The following MARCHF1 variants were observed in gnomAD, a reference collection of about 807,000 sequenced individuals.
MARCHF1 encodes membrane associated ring-CH-type finger 1.
A neutral mutation model predicts 54.2 loss-of-function variants in MARCHF1; 40 were observed. The ratio of observed to expected loss-of-function variants is 0.74; its 90% CI spans 0.57 to 0.96. The LOEUF is 0.96. MARCHF1 is among the 40% of genes least tolerant of loss of function. The pLI, the probability that MARCHF1 is intolerant of heterozygous loss-of-function variation, is 0.00. For missense variants in MARCHF1, 586 were observed against 656.5 expected, an observed-to-expected ratio of 0.89 and a Z score of 1.17; for synonymous variants, 236 against 236.3, an observed-to-expected ratio of 1.00 and a Z score of 0.01.
intron 3 of MARCHF1, among the ~76,000 whole-genome samples, chr4:163,934,318 C>T (rs1751746106): frequency 6.6e-6 from 1 of 151,994 alleles, no homozygotes; most frequent in Non-Finnish European, 1.5e-5. Context: ...GAAAGCAACT[C>T]CTGGCTGAGG....
intron 4 of MARCHF1, among the ~76,000 whole-genome samples, chr4:163,785,822 A>T (rs1430554678): frequency 6.6e-6 from 1 of 152,036 alleles, no homozygotes; most frequent in East Asian, 1.9e-4. Context: ...TGTTACCATA[A>T]ATGGCAAAAG....
chr4:164,235,446 T>G (rs1355783252), intron 1 of MARCHF1, among the ~76,000 whole-genome samples: 2 of 152,158 alleles, frequency 1.3e-5, no homozygotes, highest in African/African-American at 4.8e-5. Flanking sequence ...TGCTGAGGAT[T>G]CAGAACCTTC....
chr4:163,987,730 T>C (rs998761664), intron 3 of MARCHF1, among the ~76,000 whole-genome samples: 1 of 152,226 alleles, frequency 6.6e-6, no homozygotes, highest in African/African-American at 2.4e-5. Flanking sequence ...CGACAACATT[T>C]ATGATATTTC....
intron 3 of MARCHF1, among the ~76,000 whole-genome samples, chr4:163,942,066 C>G (rs1466622230): frequency 6.6e-6 from 1 of 152,090 alleles, no homozygotes; most frequent in Non-Finnish European, 1.5e-5. Flanking sequence ...AAAACTGTTG[C>G]ATTTGGTTTC....
chr4:164,333,284 AT>A (rs1342166690), intron 1 of MARCHF1, among the ~76,000 whole-genome samples: 2 of 152,180 alleles, frequency 1.3e-5, no homozygotes, highest in African/African-American at 4.8e-5. Context: ...GATGTAACTC[AT>A]TTTATTATAC....
At chr4:164,165,462 A>G (rs1309262371) in intron 1 of MARCHF1, among the ~76,000 whole-genome samples, 4 of 151,822 alleles carry the variant, frequency 2.6e-5, no homozygotes, top group African/African-American at 9.7e-5. Flanking sequence ...GAGAGCCCTC[A>G]ACACAACCAA....
chr4:164,125,549 T>C (rs183779398), intron 1 of MARCHF1, among the ~76,000 whole-genome samples: 1 of 152,260 alleles, frequency 6.6e-6, no homozygotes, highest in Admixed American at 6.5e-5. Context: ...ACTCCTGAAA[T>C]GATTATTATT....
intron 4 of MARCHF1, among the ~76,000 whole-genome samples, chr4:163,719,504 T>C (rs1176912153): frequency 6.6e-6 from 1 of 152,158 alleles, no homozygotes; most frequent in African/African-American, 2.4e-5. Flanking sequence ...TGTGTGTGTG[T>C]CTTTATAGCA....
chr4:163,817,806 T>G (rs1027085465), intron 4 of MARCHF1, among the ~76,000 whole-genome samples: 1 of 151,534 alleles, frequency 6.6e-6, no homozygotes, highest in Non-Finnish European at 1.5e-5. Flanking sequence ...TTCATGTCCT[T>G]TGTAGGGATA....
intron 1 of MARCHF1, among the ~76,000 whole-genome samples, chr4:164,288,624 C>T (rs147914774): frequency 4.0e-4 from 61 of 152,048 alleles, no homozygotes; most frequent in African/African-American, 1.4e-3. Context: ...AGATTAAATG[C>T]CATACTAGAA....
intron 2 of MARCHF1, among the ~76,000 whole-genome samples, chr4:164,085,977 A>G (rs1755185930): frequency 1.3e-5 from 2 of 151,810 alleles, no homozygotes; most frequent in South Asian, 2.1e-4. Flanking sequence ...TGGGGGGGTT[A>G]TAAGAATTTA....
chr4:163,897,935 C>T (rs1013553753), intron 3 of MARCHF1, among the ~76,000 whole-genome samples: 1 of 151,446 alleles, frequency 6.6e-6, no homozygotes, highest in Non-Finnish European at 1.5e-5. Context: ...GTGGCGGGCG[C>T]CTGTAGTCCC....
At chr4:164,194,232 T>C (rs1249264262) in intron 1 of MARCHF1, among the ~76,000 whole-genome samples, 1 of 152,214 alleles carries the variant, frequency 6.6e-6, no homozygotes, top group Admixed American at 6.5e-5. Flanking sequence ...ATTTTAATTG[T>C]GTGGATTTTT....
chr4:163,638,591 C>T (rs1742436554), intron 5 of MARCHF1, among the ~76,000 whole-genome samples: 1 of 152,022 alleles, frequency 6.6e-6, no homozygotes, highest in African/African-American at 2.4e-5. Context: ...TTAAATTACC[C>T]AGCCTCAGAT....
chr4:163,661,556 T>G (rs550512241), intron 5 of MARCHF1, among the ~76,000 whole-genome samples: 1 of 152,148 alleles, frequency 6.6e-6, no homozygotes, highest in Non-Finnish European at 1.5e-5. Flanking sequence ...AATACAGATG[T>G]CAGTATCAGA....
chr4:164,315,231 C>CAAAAAAAA (rs58264322), intron 1 of MARCHF1, among the ~76,000 whole-genome samples: 1 of 100,678 alleles, frequency 9.9e-6, no homozygotes, highest in Non-Finnish European at 2.1e-5. Context: ...GTTAATTTAA[C>CAAAAAAAA]AAAAAAAAAA....
chr4:164,248,801 A>G (rs1733035729), intron 1 of MARCHF1, among the ~76,000 whole-genome samples: 1 of 152,004 alleles, frequency 6.6e-6, no homozygotes, highest in African/African-American at 2.4e-5. Context: ...CTTTACATGT[A>G]TTTCTTCCTA....
intron 1 of MARCHF1, among the ~76,000 whole-genome samples, chr4:164,273,090 G>C (rs951721316): frequency 6.6e-6 from 1 of 151,696 alleles, no homozygotes; most frequent in Non-Finnish European, 1.5e-5. Flanking sequence ...TATATAGTAG[G>C]TGTATTTGTC....
At chr4:163,852,447 G>A (rs2111166013) in intron 4 of MARCHF1, among the ~76,000 whole-genome samples, 1 of 152,258 alleles carries the variant, frequency 6.6e-6, no homozygotes, top group South Asian at 2.1e-4. Context: ...ACCTGACAAA[G>A]TGCAGCTGTA....
Sources: allele counts gnomAD v4.1 joint callset (sites outside exome capture counted in the v4.1 genomes callset), GRCh38; gene constraint gnomAD v4.1.1; transcripts MANE v1.5; gene names NCBI Gene and HGNC (gene_info 2026-07-23, HGNC 2026-07-21).